NTM: variants seen among roughly 807,000 people sequenced by gnomAD.
The protein encoded by NTM is neurotrimin.
In NTM, 13 loss-of-function variants were observed where a neutral mutation model predicts 42.1. The ratio of observed to expected loss-of-function variants is 0.31; its 90% confidence interval spans 0.20 to 0.49. The LOEUF is 0.49. Ranked by LOEUF, NTM falls within the 20% of genes least tolerant of loss-of-function variation. The pLI, the probability that NTM is intolerant of heterozygous loss-of-function variation, is 0.99. For missense variants in NTM, 373 were observed against 452.8 expected, an observed-to-expected ratio of 0.82 and a Z score of 1.60; for synonymous variants, 187 against 179.2, an observed-to-expected ratio of 1.04 and a Z score of -0.35.
At chr11:131,462,403 C>T (rs563212104) in intron 1 of NTM, among the ~76,000 whole-genome samples, 4 of 152,134 alleles carry the variant, frequency 2.6e-5, no homozygotes, top group Admixed American at 6.5e-5. Flanking sequence ...ATCATACATC[C>T]GTTTTAAAAA....
At position 131,542,093 on chromosome 11, in the gene NTM, A is replaced by G. The variant is rs1251701533; in HGVS notation, c.82+171205A>G. Among the ~76,000 whole-genome samples the G allele has an allele frequency of 2.0e-5, 3 of 152,282 alleles. No homozygotes were observed. The East Asian group carries it at 5.8e-4, about 29-fold the overall frequency. On this transcript the variant is annotated intron_variant, in intron 1 of 8. Coordinates refer to ENST00000683400, the MANE Select transcript of NTM (RefSeq NM_001352005.2). Reference sequence around the variant, plus strand: ...AGAGATCAACAGAGCATAAGTATTGACCTTGAACAGCTGACAACTAAATGG... The same window carrying G: ...AGAGATCAACAGAGCATAAGTATTGGCCTTGAACAGCTGACAACTAAATGG...
At chr11:132,165,064 C>T (rs1157389158) in intron 3 of NTM, among the ~76,000 whole-genome samples, 1 of 152,186 alleles carries the variant, frequency 6.6e-6, no homozygotes, top group African/African-American at 2.4e-5. Flanking sequence ...GTGACCCACC[C>T]AGGCCTGGGG....
At chr11:131,467,523 A>T (rs1410473838) in intron 1 of NTM, among the ~76,000 whole-genome samples, 2 of 152,160 alleles carry the variant, frequency 1.3e-5, no homozygotes, top group Admixed American at 6.5e-5. Context: ...GCTACCCCAG[A>T]CATTCTGGTA....
chr11:132,211,867 T>G, intron 3 of NTM, 155 bp from the exon 4 acceptor site: 1 of 615,072 alleles, frequency 1.6e-6, no homozygotes, highest in Non-Finnish European at 2.5e-6. Flanking sequence ...AAGGTAAGAC[T>G]TTTTTATGTT....
Position 132,076,557 on chromosome 11 carries a change from C to T in NTM, c.168-69725C>T, listed in dbSNP as rs75186379. On this transcript the variant is annotated intron_variant, in intron 2 of 8. Transcript: ENST00000683400. ...AATTTGAAAATCAAATCTAATAAGT[C>T]AGCAAAATAATTTCAGTTGACAATA... 3.1e-3 allele frequency among the ~76,000 whole-genome samples: 467 copies of T among 152,234 alleles called. 1 individual carries two copies. The highest frequency in any genetic ancestry group is 5.5e-3 in the Non-Finnish European group (373 of 68,010).
At chr11:131,751,652 C>A (rs556508293) in intron 1 of NTM, among the ~76,000 whole-genome samples, 2 of 151,736 alleles carry the variant, frequency 1.3e-5, no homozygotes, top group Non-Finnish European at 2.9e-5. Flanking sequence ...CCTAGCTACT[C>A]GAGAGGCTGA....
chr11:131,836,836 CA>C (rs1188617498), intron 1 of NTM, among the ~76,000 whole-genome samples: 1 of 152,140 alleles, frequency 6.6e-6, no homozygotes, highest in East Asian at 1.9e-4. Flanking sequence ...TTAGTTGGAT[CA>C]AAATAATTGA....
intron 1 of NTM, among the ~76,000 whole-genome samples, chr11:131,878,582 A>C (rs2048881569): frequency 2.0e-5 from 1 of 49,728 alleles, no homozygotes; most frequent in African/African-American, 8.9e-5. Context: ...AAAAAAAAAA[A>C]AAAAAAAAAA....
At chr11:131,703,101 C>T (rs1198208466) in intron 1 of NTM, among the ~76,000 whole-genome samples, 4 of 152,162 alleles carry the variant, frequency 2.6e-5, no homozygotes, top group Admixed American at 1.3e-4. Context: ...AAGCCATTAA[C>T]ATTAGAAGTA....
At position 131,573,370 on chromosome 11, in the gene NTM, A is replaced by G. The variant is rs190269103; in HGVS notation, c.82+202482A>G. On this transcript the variant is annotated intron_variant, in intron 1 of 8. Transcript: ENST00000683400. ...GGAACAGATGAAAAGTCTTGCATAA[A>G]GTGCCTCACAGTAGAAAACCAACAT... Among the ~76,000 whole-genome samples the G allele has an allele frequency of 7.2e-5, 11 of 152,336 alleles. No homozygotes were observed. In the East Asian group the frequency reaches 1.9e-3, roughly 27 times the overall value.
At chr11:131,438,638 AT>A (rs1293402816) in intron 1 of NTM, among the ~76,000 whole-genome samples, 2 of 152,160 alleles carry the variant, frequency 1.3e-5, no homozygotes, top group Non-Finnish European at 2.9e-5. Context: ...CCGTTGGGTC[AT>A]TTAAGGTCTT....
chr11:131,699,073 T>C (rs1206140156), intron 1 of NTM, among the ~76,000 whole-genome samples: 3 of 152,222 alleles, frequency 2.0e-5, no homozygotes, highest in Non-Finnish European at 4.4e-5. Context: ...CTTGTTCACC[T>C]AATGTGTGTT....
chr11:132,242,207 G>T (rs1327821792), intron 4 of NTM, among the ~76,000 whole-genome samples: 2 of 152,200 alleles, frequency 1.3e-5, no homozygotes, highest in African/African-American at 4.8e-5. Flanking sequence ...CCCTCTGGAA[G>T]TCAAGCTGTC....
At chr11:132,327,342 G>A (rs1159498619) in intron 7 of NTM, among the ~76,000 whole-genome samples, 1 of 152,192 alleles carries the variant, frequency 6.6e-6, no homozygotes, top group Non-Finnish European at 1.5e-5. Flanking sequence ...AAACCTCAAA[G>A]TGACCATCAA....
chr11:132,289,031 TG>T (rs2094357653), intron 4 of NTM, among the ~76,000 whole-genome samples: 1 of 152,220 alleles, frequency 6.6e-6, no homozygotes, highest in Non-Finnish European at 1.5e-5. Context: ...TTTTCTTACT[TG>T]CTTCTTGTGT....
At chr11:131,665,559 T>C (rs1592438242) in intron 1 of NTM, among the ~76,000 whole-genome samples, 1 of 151,650 alleles carries the variant, frequency 6.6e-6, no homozygotes, top group African/African-American at 2.4e-5. Context: ...GGGAGGAGAG[T>C]TCATGTGAAG....
At chr11:132,024,708 A>G (rs1480271752) in intron 2 of NTM, among the ~76,000 whole-genome samples, 2 of 152,212 alleles carry the variant, frequency 1.3e-5, no homozygotes, top group Admixed American at 1.3e-4. Context: ...TGGGATAGGT[A>G]TATTCCGGAC....
intron 1 of NTM, among the ~76,000 whole-genome samples, chr11:131,606,142 A>C (rs558125712): frequency 6.6e-6 from 1 of 152,178 alleles, no homozygotes; most frequent in East Asian, 1.9e-4. Context: ...CTCCCTGGCT[A>C]AAGTGATTTG....
chr11:131,650,483 C>G (rs966941793), intron 1 of NTM, among the ~76,000 whole-genome samples: 5 of 152,166 alleles, frequency 3.3e-5, no homozygotes, highest in Non-Finnish European at 7.3e-5. Flanking sequence ...TTCGGTCCAG[C>G]CTTCAGATTT....
Sources: allele counts gnomAD v4.1 joint callset (sites outside exome capture counted in the v4.1 genomes callset), GRCh38; gene constraint gnomAD v4.1.1; transcripts MANE v1.5; gene names NCBI Gene and HGNC (gene_info 2026-07-23, HGNC 2026-07-21).